KIFC1: variants seen among roughly 807,000 people sequenced by gnomAD.
KIFC1 encodes the protein kinesin family member C1.
Under a neutral mutation model 66.6 loss-of-function variants are expected in KIFC1, and 37 were observed. The ratio of observed to expected loss-of-function variants is 0.56; its 90% CI spans 0.43 to 0.73. The LOEUF is 0.73. Ranked by LOEUF, KIFC1 falls within the 30% of genes least tolerant of loss-of-function variation. KIFC1 has a pLI of 0.00. For synonymous variants in KIFC1, 325 were observed against 343.5 expected (o/e 0.95, Z 0.60); for missense variants, 721 against 859.8 (o/e 0.84, Z 2.02).
At chr6:33,399,479 A>G (rs906017080) in intron 3 of KIFC1, among the ~76,000 whole-genome samples, 4 of 152,182 alleles carry the variant, frequency 2.6e-5, no homozygotes, top group African/African-American at 9.7e-5. Flanking sequence ...CAGATACATT[A>G]TCAGAAATGC....
chr6:33,405,182 G>A lies in KIFC1; in HGVS notation c.1087G>A (p.Ala363Thr). 2 of 1,614,084 alleles carry A rather than the reference G, an allele frequency of 1.2e-6. No individual in the cohort carries two copies. Among genetic ancestry groups the A allele is most frequent in the South Asian group, 2.2e-5 (2 of 91,080 alleles). ...SDERRGTLSG[A>T]PAPPTRHDFS... ...CGAGCGGCGTGGGACCCTGAGTGGG[G>A]CACCAGCTCCCCCAACTCGCCATGA... The change falls in exon 7 of 11, where the codon GCA (alanine) becomes ACA (threonine). Residue 363 changes from alanine to threonine, a missense_variant. By Grantham distance (58) the Ala-to-Thr change is moderately conservative. Coordinates refer to ENST00000428849, the MANE Select transcript of KIFC1 (RefSeq NM_002263.4). This position sits in a 1 kb window ranked among gnomAD's most constrained non-coding sequence, Gnocchi z 5.4.
chr6:33,400,469 G>A lies in KIFC1; in HGVS notation c.250+2082G>A, dbSNP rs776472756. The A allele has an allele frequency of 1.2e-6, 2 of 1,602,594 alleles. No individual in the cohort carries two copies. Among genetic ancestry groups the A allele is most frequent in the South Asian group, 2.2e-5 (2 of 90,806 alleles). ...GACAGACCCAGGGGGCCGATCTTGG[G>A]GGCCAGGGCAGAAGTGGCACCGACT... On this transcript the variant is annotated intron_variant, in intron 3 of 10. Transcript: ENST00000428849. The surrounding 1 kb of genome is among the most constrained non-coding windows in gnomAD (Gnocchi z 4.3).
chr6:33,393,728 G>A (rs1774901361), intron 1 of KIFC1, among the ~76,000 whole-genome samples: 1 of 150,034 alleles, frequency 6.7e-6, no homozygotes, highest in South Asian at 2.1e-4. Flanking sequence ...TTACAGGCAT[G>A]AGCCACCGTG....
chr6:33,396,872 C>T (rs1384900693), intron 1 of KIFC1, among the ~76,000 whole-genome samples: 8 of 151,862 alleles, frequency 5.3e-5, no homozygotes, highest in Non-Finnish European at 4.4e-5. Flanking sequence ...TTAGTAGAGA[C>T]GGGATTTCAC....
In KIFC1 at chr6:33,401,225, C is replaced by G. The variant is rs941098666; in HGVS notation, c.251-2089C>G. On this transcript the variant is annotated intron_variant, in intron 3 of 10. Transcript: ENST00000428849. This position sits in a 1 kb window ranked among gnomAD's most constrained non-coding sequence, Gnocchi z 4.5. ...TCTCGGCTCAGTGTAACCTCCGCCT[C>G]CTGGGTTCAAGTGATTCTCCTGCCT... is the stretch of plus-strand genomic sequence containing the variant. 6.6e-6 allele frequency among the ~76,000 whole-genome samples: 1 copy of G among 152,002 alleles called. No homozygotes were observed. Among genetic ancestry groups the G allele is most frequent in the African/African-American group, 2.4e-5 (1 of 41,392 alleles).
At chr6:33,395,596 T>C (rs1325905439) in intron 1 of KIFC1, among the ~76,000 whole-genome samples, 1 of 152,226 alleles carries the variant, frequency 6.6e-6, no homozygotes, top group Non-Finnish European at 1.5e-5. Flanking sequence ...TCTAGCTTTA[T>C]ATTAATAGAT....
In KIFC1 at chr6:33,400,112, G is replaced by A; in HGVS notation, c.250+1725G>A. 1 of 833,350 alleles carries A rather than the reference G, an allele frequency of 1.2e-6. No homozygotes were observed. Among genetic ancestry groups the A allele is most frequent in the Non-Finnish European group, 2.1e-6 (1 of 482,270 alleles). The allele number at this position is 833,350 out of a possible 1,614,324, so 51.6% of individuals were successfully genotyped here. On this transcript the variant is annotated intron_variant, in intron 3 of 10. Coordinates refer to ENST00000428849, the MANE Select transcript of KIFC1 (RefSeq NM_002263.4). The surrounding 1 kb of genome is among the most constrained non-coding windows in gnomAD (Gnocchi z 4.3). ...CTGTTGATGTCATCTATGATGTCAT[G>A]AGGGTGGTGGCCATCAACATTACAG...
chr6:33,407,017 C>A, intron 10 of KIFC1, 142 bp downstream of exon 10: 2 of 1,424,374 alleles, frequency 1.4e-6, no homozygotes, highest in South Asian at 1.5e-5. Context: ...TCACCTGGTT[C>A]CATTTTTAAT....
At chr6:33,407,060 GGGTGA>G (rs1775701152) in intron 10 of KIFC1, 185 bp downstream of exon 10, 4 of 1,415,406 alleles carry the variant, frequency 2.8e-6, no homozygotes, top group Non-Finnish European at 3.7e-6. Flanking sequence ...TTTAAAAAAC[GGGTGA>G]TTAATTTAAC....
At chr6:33,396,987 CTTT>C (rs9282514) in intron 1 of KIFC1, among the ~76,000 whole-genome samples, 3 of 89,204 alleles carry the variant, frequency 3.4e-5, no homozygotes, top group African/African-American at 8.9e-5. Context: ...TGGCCAAGTT[CTTT>C]TTTTTTTTTT....
At chr6:33,402,900 T>C (rs1775449127) in intron 3 of KIFC1, among the ~76,000 whole-genome samples, 1 of 152,176 alleles carries the variant, frequency 6.6e-6, no homozygotes, top group South Asian at 2.1e-4. Flanking sequence ...GGCGGGAGAA[T>C]CGCTTGAACC....
intron 3 of KIFC1, among the ~76,000 whole-genome samples, chr6:33,402,281 A>G (rs1455312376): frequency 6.6e-6 from 1 of 152,208 alleles, no homozygotes; most frequent in Admixed American, 6.5e-5. Context: ...GTCACTAGGC[A>G]ATAGGAATTT....
In KIFC1 at chr6:33,401,013, T is replaced by C. The variant is rs975601234; in HGVS notation, c.251-2301T>C. On this transcript the variant is annotated intron_variant, in intron 3 of 10. Coordinates refer to ENST00000428849, the MANE Select transcript of KIFC1 (RefSeq NM_002263.4). This position sits in a 1 kb window ranked among gnomAD's most constrained non-coding sequence, Gnocchi z 4.5. Reference sequence around the variant, plus strand: ...AACATTGTATAGCTTTACAGAAATATTTTATTCCTTTATATCCTTATTCCT... The same window carrying C: ...AACATTGTATAGCTTTACAGAAATACTTTATTCCTTTATATCCTTATTCCT... Among the ~76,000 whole-genome samples, 4 of 152,226 alleles carry C rather than the reference T, an allele frequency of 2.6e-5. No homozygotes were observed. Among genetic ancestry groups the C allele is most frequent in the South Asian group, 2.1e-4 (1 of 4,834 alleles).
rs568430492 is a variant in KIFC1, at chr6:33,392,186, G to T, written c.12+189G>T. Among the ~76,000 whole-genome samples, 7 of 152,332 alleles carry T rather than the reference G, an allele frequency of 4.6e-5. No homozygotes were observed. In the East Asian group the frequency reaches 1.4e-3, roughly 29 times the overall value. On this transcript the variant is annotated intron_variant, in intron 1 of 10. Transcript: ENST00000428849. Reference sequence around the variant, plus strand: ...GAGACGGCTTAGAGCACCCGGGGAGGTCGGAAGGCACGTCTGTCTGCCCTC... The same window carrying T: ...GAGACGGCTTAGAGCACCCGGGGAGTTCGGAAGGCACGTCTGTCTGCCCTC...
At chr6:33,398,194 G>A in intron 2 of KIFC1, 28 bp downstream of exon 2, 2 of 1,614,104 alleles carry the variant, frequency 1.2e-6, no homozygotes, top group East Asian at 4.5e-5. Context: ...AGCTGTGCAT[G>A]TGTGTGGGGG....
At chr6:33,392,181 G>C (rs1462377137) in intron 1 of KIFC1, among the ~76,000 whole-genome samples, 184 bp downstream of exon 1, 2 of 152,200 alleles carry the variant, frequency 1.3e-5, no homozygotes, top group Non-Finnish European at 2.9e-5. Flanking sequence ...AGAGCACCCG[G>C]GGAGGTCGGA....
chr6:33,402,833 C>CAA (rs1337705453), intron 3 of KIFC1, among the ~76,000 whole-genome samples: 1 of 144,994 alleles, frequency 6.9e-6, no homozygotes, highest in African/African-American at 2.6e-5. Flanking sequence ...ACTAAAAATA[C>CAA]AAAATTAGTT....
Position 33,405,719 on chromosome 6 carries a change from G to A in KIFC1, c.1536+88G>A. ...GAGGTAGAGGGAGAAAGGAGCAAGA[G>A]AGAATTGAAGGATGAAGTGCAAGTT... On this transcript the variant is annotated intron_variant, in intron 7 of 10. Coordinates refer to ENST00000428849, the MANE Select transcript of KIFC1 (RefSeq NM_002263.4). The surrounding 1 kb of genome is among the most constrained non-coding windows in gnomAD (Gnocchi z 5.4). 5.4e-6 allele frequency: 7 copies of A among 1,301,484 alleles called. No individual in the cohort carries two copies. Among genetic ancestry groups the A allele is most frequent in the Non-Finnish European group, 7.1e-6 (7 of 987,072 alleles). The allele number at this position is 1,301,484 out of a possible 1,614,324, so 80.6% of individuals were successfully genotyped here. A position where few individuals can be genotyped will look rare whatever the true frequency, so the allele number is the denominator to read the frequency against.
At position 33,409,754 on chromosome 6, in the gene KIFC1, T is replaced by TGTGTGTCC. The variant is rs1374618874; in HGVS notation, c.*64_*65insGTGTGTCC. On this transcript the variant is annotated 3_prime_UTR_variant, in exon 11 of 11. Coordinates refer to ENST00000428849, the MANE Select transcript of KIFC1 (RefSeq NM_002263.4). ...GTGTGTGTGTGTGTGTGTGTGTGTGTCCCTATGTCTATGTATCGGGTGAGG... is the reference window on the plus strand; with the variant it reads ...GTGTGTGTGTGTGTGTGTGTGTGTGTGTGTGTCCCCCTATGTCTATGTATCGGGTGAGG... 21 of 1,343,408 alleles carry TGTGTGTCC rather than the reference T, an allele frequency of 1.6e-5. No individual in the cohort carries two copies. In the African/African-American group the frequency reaches 2.5e-4, roughly 16 times the overall value. The allele number at this position is 1,343,408 out of a possible 1,614,324, so 83.2% of individuals were successfully genotyped here. A position where few individuals can be genotyped will look rare whatever the true frequency, so the allele number is the denominator to read the frequency against.
Sources: allele counts gnomAD v4.1 joint callset (sites outside exome capture counted in the v4.1 genomes callset), GRCh38; gene constraint gnomAD v4.1.1; non-coding constraint Gnocchi (gnomAD v3.1); transcripts MANE v1.5; gene names NCBI Gene and HGNC (gene_info 2026-07-23, HGNC 2026-07-21).